Variants in ZNF652 observed in about 807,000 individuals in gnomAD.
The protein encoded by ZNF652 is zinc finger protein 652.
A neutral mutation model predicts 45.2 loss-of-function variants in ZNF652; 16 were observed. The observed-to-expected ratio is 0.35, with a 90% confidence interval of 0.24 to 0.54. The LOEUF is 0.54. Among genes scored for constraint, ZNF652 ranks in the 20% least tolerant of loss-of-function variants. ZNF652 has a pLI of 0.91. For synonymous variants in ZNF652, 250 were observed against 260.6 expected (o/e 0.96, Z 0.39); for missense variants, 614 against 765.6 (o/e 0.80, Z 2.34).
chr17:49,335,862 T>C (rs1484627228), intron 1 of ZNF652, among the ~76,000 whole-genome samples: 1 of 152,138 alleles, frequency 6.6e-6, no homozygotes, highest in Non-Finnish European at 1.5e-5. Context: ...TCCACCACAC[T>C]TTCTTAGGGT....
chr17:49,317,539 C>T lies in ZNF652; in HGVS notation c.187G>A (p.Val63Met). 3 of 1,614,132 alleles carry T rather than the reference C, an allele frequency of 1.9e-6. No individual in the cohort carries two copies. Among genetic ancestry groups the T allele is most frequent in the Non-Finnish European group, 2.5e-6 (3 of 1,180,012 alleles). ...TGCGGTTTGCTCATCTTGGTGTCCACTAACACAGAATAAGGACTTCCTGAT... is the reference window on the plus strand; with the variant it reads ...TGCGGTTTGCTCATCTTGGTGTCCATTAACACAGAATAAGGACTTCCTGAT... The part of the protein sequence containing the change: ...RESGSPYSVL[V>M]DTKMSKPHLH... The change falls in exon 2 of 6, where the codon GTG becomes ATG. Residue 63 changes from valine (V) to methionine (M), a missense_variant. Val to Met is a conservative substitution (Grantham distance 21). Coordinates refer to ENST00000430262, the MANE Select transcript of ZNF652 (RefSeq NM_001145365.3).
chr17:49,323,152 T>C (rs942588328), intron 1 of ZNF652, among the ~76,000 whole-genome samples: 1 of 152,238 alleles, frequency 6.6e-6, no homozygotes, highest in African/African-American at 2.4e-5. Context: ...TAGAACTTCT[T>C]TCAAAATTGG....
chr17:49,313,231 C>A (rs1483518424), intron 2 of ZNF652, among the ~76,000 whole-genome samples: 2 of 152,190 alleles, frequency 1.3e-5, no homozygotes, highest in African/African-American at 4.8e-5. Flanking sequence ...TCTAGGCTCA[C>A]TGCAACCTCC....
intron 5 of ZNF652, among the ~76,000 whole-genome samples, chr17:49,304,975 A>T (rs1485263567): frequency 6.6e-6 from 1 of 151,914 alleles, no homozygotes; most frequent in East Asian, 1.9e-4. Context: ...CTTTAAACCC[A>T]TTTTTCAAAC....
rs1026787854 is a variant in ZNF652, at chr17:49,294,673, A to C, written c.*3740T>G. The C allele has an allele frequency of 7.2e-5, 11 of 152,312 alleles. No homozygotes were observed. Among genetic ancestry groups the C allele is most frequent in the Middle Eastern group, 3.4e-3 (1 of 294 alleles). The allele number at this position is 152,312 out of a possible 1,614,324, so 9.4% of individuals were successfully genotyped here. ...AAACGAAACAAATACAAACCAACCC[A>C]CACACACAAAAAATACAATGCCAAC... On this transcript the variant is annotated 3_prime_UTR_variant, in exon 6 of 6. Transcript: ENST00000430262.
intron 1 of ZNF652, among the ~76,000 whole-genome samples, chr17:49,319,529 A>C (rs890983277): frequency 4.0e-5 from 6 of 150,728 alleles, no homozygotes. Context: ...GCTACTCAGG[A>C]GACGGAGGCA....
intron 1 of ZNF652, among the ~76,000 whole-genome samples, chr17:49,331,736 C>T (rs972041684): frequency 1.3e-5 from 2 of 152,060 alleles, no homozygotes; most frequent in Non-Finnish European, 2.9e-5. Flanking sequence ...ATACATTTGG[C>T]CTACAAAAAG....
chr17:49,317,965 G>A lies in ZNF652; in HGVS notation c.-240C>T. 5.2e-6 allele frequency: 2 copies of A among 388,202 alleles called. No homozygotes were observed. Among genetic ancestry groups the A allele is most frequent in the Non-Finnish European group, 4.5e-6 (1 of 220,400 alleles). 24.0% of individuals were successfully genotyped at this position (388,202 alleles called of 1,614,324 possible). ...TTTTTCTTCTGAAGAGAGCTGCAAG[G>A]GACTTGGGAGCATCTTATCTACAAA... On this transcript the variant is annotated 5_prime_UTR_variant, in exon 2 of 6. Coordinates refer to ENST00000430262, the MANE Select transcript of ZNF652 (RefSeq NM_001145365.3).
chr17:49,346,417 G>A (rs1455894948), intron 1 of ZNF652, among the ~76,000 whole-genome samples: 3 of 152,172 alleles, frequency 2.0e-5, no homozygotes, highest in Non-Finnish European at 4.4e-5. Flanking sequence ...TAGGCATGGT[G>A]GTGTGCACAT....
chr17:49,312,159 CTTTTTTTTT>C (rs34553823), intron 3 of ZNF652, 117 bp from the exon 4 acceptor site: 2 of 139,094 alleles, frequency 1.4e-5, no homozygotes, highest in South Asian at 7.5e-5. Context: ...ATTTGTGAGG[CTTTTTTTTT>C]TTTTTTTTTT....
intron 5 of ZNF652, among the ~76,000 whole-genome samples, chr17:49,303,385 C>T (rs1210648275): frequency 1.3e-5 from 2 of 151,734 alleles, no homozygotes; most frequent in Non-Finnish European, 2.9e-5. Context: ...GGACTACAGG[C>T]ATGCACCACC....
At chr17:49,344,741 G>A (rs934400436) in intron 1 of ZNF652, among the ~76,000 whole-genome samples, 87 of 152,014 alleles carry the variant, frequency 5.7e-4, no homozygotes, top group Middle Eastern at 3.4e-3. Context: ...GGCTGGTCGC[G>A]AACTCCTGAG....
At chr17:49,320,199 T>C (rs943973652) in intron 1 of ZNF652, among the ~76,000 whole-genome samples, 1 of 152,230 alleles carries the variant, frequency 6.6e-6, no homozygotes, top group African/African-American at 2.4e-5. Context: ...CACAATTATT[T>C]CTATCACTCC....
chr17:49,349,814 C>G (rs2070250976), intron 1 of ZNF652, among the ~76,000 whole-genome samples: 1 of 152,158 alleles, frequency 6.6e-6, no homozygotes, highest in Non-Finnish European at 1.5e-5. Context: ...AAATTCTGCC[C>G]TACCTTAAAA....
chr17:49,351,663 A>G (rs1344148432), intron 1 of ZNF652, among the ~76,000 whole-genome samples: 1 of 151,918 alleles, frequency 6.6e-6, no homozygotes, highest in East Asian at 1.9e-4. Flanking sequence ...TTTTTTCTTC[A>G]TATTTTTCTA....
intron 5 of ZNF652, among the ~76,000 whole-genome samples, chr17:49,302,006 C>T (rs1167484164): frequency 6.6e-6 from 1 of 152,106 alleles, no homozygotes; most frequent in Non-Finnish European, 1.5e-5. Context: ...AATCCCAGCA[C>T]TTTGGGAGGC....
At chr17:49,327,951 A>G (rs1489955321) in intron 1 of ZNF652, among the ~76,000 whole-genome samples, 2 of 151,548 alleles carry the variant, frequency 1.3e-5, no homozygotes, top group African/African-American at 4.8e-5. Flanking sequence ...TATAGCAGTT[A>G]AGAGCACAAA....
At chr17:49,348,676 T>C (rs536530414) in intron 1 of ZNF652, among the ~76,000 whole-genome samples, 54 of 152,198 alleles carry the variant, frequency 3.5e-4, no homozygotes, top group African/African-American at 1.3e-3. Context: ...GACATACACA[T>C]ACTGACTGAA....
intron 5 of ZNF652, among the ~76,000 whole-genome samples, chr17:49,305,461 A>C (rs2069616366): frequency 6.6e-6 from 1 of 152,224 alleles, no homozygotes; most frequent in Non-Finnish European, 1.5e-5. Flanking sequence ...TAAATAAATA[A>C]ATAAAATAAA....
Sources: allele counts gnomAD v4.1 joint callset (sites outside exome capture counted in the v4.1 genomes callset), GRCh38; gene constraint gnomAD v4.1.1; transcripts MANE v1.5; gene names NCBI Gene and HGNC (gene_info 2026-07-23, HGNC 2026-07-21).